The following TAS2R1 variants were observed in gnomAD, a reference collection of about 807,000 sequenced individuals.
TAS2R1 encodes the protein taste receptor type 2 member 1.
For missense variants in TAS2R1, 370 were observed against 353.4 expected (o/e 1.05, Z -0.38); for synonymous variants, 141 against 134.2 (o/e 1.05, Z -0.35).
the TAS2R1 span, among the ~76,000 whole-genome samples, chr5:9,799,393 A>G: frequency 6.6e-6 from 1 of 152,252 alleles, no homozygotes. Context: ...GCCAGGCTGC[A>G]TCAAATCAGA....
At chr5:9,666,793 A>G (rs899374430) in intron 1 of TAS2R1, among the ~76,000 whole-genome samples, 1 of 152,234 alleles carries the variant, frequency 6.6e-6, no homozygotes, top group Non-Finnish European at 1.5e-5. Context: ...ATTCAATTAC[A>G]AAACAAAAGA....
At chr5:9,761,693 G>A in the TAS2R1 span, among the ~76,000 whole-genome samples, 29 of 152,162 alleles carry the variant, frequency 1.9e-4, no homozygotes, top group Admixed American at 3.3e-4. Flanking sequence ...GATCCTCTGC[G>A]TCTGCTCTCT....
chr5:9,822,137 C>T, the TAS2R1 span, among the ~76,000 whole-genome samples: 2 of 152,082 alleles, frequency 1.3e-5, no homozygotes, highest in Admixed American at 6.5e-5. Context: ...TTAAGACTTT[C>T]GTATAGGTTA....
the TAS2R1 span, among the ~76,000 whole-genome samples, chr5:9,885,343 G>C: frequency 6.6e-6 from 1 of 152,216 alleles, no homozygotes; most frequent in African/African-American, 2.4e-5. Context: ...TGATCACTTA[G>C]AAATTCAAAG....
chr5:9,862,125 A>T, the TAS2R1 span, among the ~76,000 whole-genome samples: 1 of 152,166 alleles, frequency 6.6e-6, no homozygotes, highest in Non-Finnish European at 1.5e-5. Context: ...ACGAGGAGGG[A>T]CTGGCAAATC....
chr5:9,799,420 G>A, the TAS2R1 span, among the ~76,000 whole-genome samples: 3 of 152,184 alleles, frequency 2.0e-5, no homozygotes, highest in African/African-American at 7.2e-5. Flanking sequence ...ATCTAAGAAA[G>A]CCAAAACTGA....
At chr5:9,690,516 C>T (rs921386606) in intron 1 of TAS2R1, among the ~76,000 whole-genome samples, 6 of 151,986 alleles carry the variant, frequency 3.9e-5, no homozygotes, top group African/African-American at 9.7e-5. Context: ...AAATTAAGCA[C>T]GCAACTCAGT....
At chr5:9,639,307 G>A (rs1740027578) in intron 2 of TAS2R1, among the ~76,000 whole-genome samples, 2 of 152,144 alleles carry the variant, frequency 1.3e-5, no homozygotes, top group African/African-American at 2.4e-5. Context: ...ACTACCCGCT[G>A]CTACTTCTAC....
the TAS2R1 span, among the ~76,000 whole-genome samples, chr5:9,895,113 C>T: frequency 6.6e-6 from 1 of 152,256 alleles, no homozygotes; most frequent in African/African-American, 2.4e-5. Flanking sequence ...TACCAAAGGC[C>T]TCGGCTTTCT....
At chr5:9,651,632 A>G (rs1377186460) in intron 2 of TAS2R1, among the ~76,000 whole-genome samples, 3 of 152,204 alleles carry the variant, frequency 2.0e-5, no homozygotes, top group Admixed American at 6.5e-5. Context: ...TTTTATAAAC[A>G]TATGTATGAT....
At chr5:9,662,902 T>C (rs1008462896) in intron 1 of TAS2R1, among the ~76,000 whole-genome samples, 2 of 152,106 alleles carry the variant, frequency 1.3e-5, no homozygotes, top group Non-Finnish European at 2.9e-5. Flanking sequence ...CATGGAGGGA[T>C]TCTATCTACA....
chr5:9,788,431 C>T, the TAS2R1 span, among the ~76,000 whole-genome samples: 26 of 152,266 alleles, frequency 1.7e-4, no homozygotes, highest in Admixed American at 1.2e-3. Flanking sequence ...TCCCAGCCAC[C>T]GGGTAATCCT....
At chr5:9,666,084 T>C (rs1260304664) in intron 1 of TAS2R1, among the ~76,000 whole-genome samples, 1 of 151,538 alleles carries the variant, frequency 6.6e-6, no homozygotes, top group African/African-American at 2.4e-5. Context: ...TCATGATTCT[T>C]TTTTTTTAAT....
At chr5:9,863,772 C>A in the TAS2R1 span, among the ~76,000 whole-genome samples, 1 of 152,300 alleles carries the variant, frequency 6.6e-6, no homozygotes, top group Non-Finnish European at 1.5e-5. Context: ...AAACAGTAAT[C>A]TTTTGTATTG....
At chr5:9,717,065 A>G (rs1447185782), upstream of TAS2R1, among the ~76,000 whole-genome samples, 1 of 152,202 alleles carries the variant, frequency 6.6e-6, no homozygotes, top group East Asian at 1.9e-4. Flanking sequence ...CAGAGAGGGA[A>G]GCAGAAAAGA....
intron 2 of TAS2R1, among the ~76,000 whole-genome samples, chr5:9,641,100 T>A (rs781387867): frequency 6.6e-6 from 1 of 151,796 alleles, no homozygotes; most frequent in African/African-American, 2.4e-5. Flanking sequence ...ACATCCTGAG[T>A]CTAGGATAGC....
At chr5:9,730,986 T>C in the TAS2R1 span, among the ~76,000 whole-genome samples, 2 of 152,166 alleles carry the variant, frequency 1.3e-5, no homozygotes, top group Non-Finnish European at 2.9e-5. Flanking sequence ...TTTTTCTTTA[T>C]AAATCACCCA....
At chr5:9,693,006 C>T (rs760175139) in intron 1 of TAS2R1, among the ~76,000 whole-genome samples, 7 of 152,104 alleles carry the variant, frequency 4.6e-5, no homozygotes, top group African/African-American at 2.4e-5. Context: ...TCCCATCAGA[C>T]ACTTCCACCC....
intron 1 of TAS2R1, among the ~76,000 whole-genome samples, chr5:9,696,695 C>T (rs928416547): frequency 2.0e-5 from 3 of 152,026 alleles, no homozygotes; most frequent in African/African-American, 7.2e-5. Flanking sequence ...TGAGATGAAA[C>T]AAAGTGAACT....
Sources: gnomAD v4.1 joint callset for allele counts (sites outside exome capture counted in the v4.1 genomes callset) on GRCh38, gnomAD v4.1.1 for gene constraint, MANE v1.5 for transcripts, NCBI Gene and HGNC (gene_info 2026-07-23, HGNC 2026-07-21) for gene names.